The following CCDC18 variants were observed in gnomAD, a reference collection of about 807,000 sequenced individuals.
The protein encoded by CCDC18 is coiled-coil domain containing 18.
In CCDC18, 157 loss-of-function variants were observed where a neutral mutation model predicts 196.0. The observed-to-expected ratio is 0.80, with a 90% CI of 0.70 to 0.91. The LOEUF (loss-of-function observed/expected upper bound fraction) is 0.91, where lower values mean the gene tolerates loss of function less well. CCDC18 is among the 40% of genes least tolerant of loss of function. The pLI is 0.00. For synonymous variants in CCDC18, 482 were observed against 529.2 expected, an observed-to-expected ratio of 0.91 and a Z score of 1.22; for missense variants, 1,465 against 1,611.6, an observed-to-expected ratio of 0.91 and a Z score of 1.56.
chr1:93,180,246 T>A (rs761273815), upstream of CCDC18: 1 of 1,604,564 alleles, frequency 6.2e-7, no homozygotes. Flanking sequence ...CGCCCATCCC[T>A]GCTGGGGCGA....
At chr1:93,199,196 G>A (rs1453328518) in intron 6 of CCDC18, among the ~76,000 whole-genome samples, 4 of 152,210 alleles carry the variant, frequency 2.6e-5, no homozygotes, top group Admixed American at 2.6e-4. Context: ...CTGGCAGGCT[G>A]CGCTTGGCTC....
chr1:93,259,854 C>T (rs1316532451), intron 26 of CCDC18, among the ~76,000 whole-genome samples: 1 of 152,204 alleles, frequency 6.6e-6, no homozygotes, highest in Non-Finnish European at 1.5e-5. Flanking sequence ...CTTAACTACT[C>T]ATTACACTTT....
intron 8 of CCDC18, 118 bp downstream of exon 8, chr1:93,205,749 C>T (rs1249509360): frequency 1.1e-6 from 1 of 906,398 alleles, no homozygotes; most frequent in African/African-American, 1.7e-5. Flanking sequence ...GAAGGATAGG[C>T]TTCATGACTG....
intron 21 of CCDC18, among the ~76,000 whole-genome samples, chr1:93,243,440 A>AT (rs1255363656): frequency 1.4e-4 from 22 of 151,858 alleles, no homozygotes; most frequent in Admixed American, 1.4e-3. Context: ...CCATGAAACC[A>AT]TTTTTTCCTC....
chr1:93,221,539 A>G (rs928884790), intron 14 of CCDC18, 70 bp from the exon 15 acceptor site: 21 of 1,040,256 alleles, frequency 2.0e-5, no homozygotes, highest in East Asian at 6.1e-5. Context: ...ATAGTGTCAC[A>G]TGTATTTAAT....
intron 21 of CCDC18, among the ~76,000 whole-genome samples, chr1:93,241,037 A>G (rs937863673): frequency 6.6e-6 from 1 of 152,032 alleles, no homozygotes; most frequent in Non-Finnish European, 1.5e-5. Context: ...AGCTCACTGC[A>G]GCCTCCACCT....
At chr1:93,243,369 G>A (rs1394416796) in intron 21 of CCDC18, among the ~76,000 whole-genome samples, 1 of 152,192 alleles carries the variant, frequency 6.6e-6, no homozygotes, top group African/African-American at 2.4e-5. Context: ...CAGCTACAGT[G>A]ACTGGGATGC....
At chr1:93,228,272 A>T (rs183811920) in intron 17 of CCDC18, among the ~76,000 whole-genome samples, 2 of 152,084 alleles carry the variant, frequency 1.3e-5, no homozygotes, top group Non-Finnish European at 1.5e-5. Context: ...GGCCAAAGAA[A>T]AAAGGTCTGT....
intron 27 of CCDC18, among the ~76,000 whole-genome samples, chr1:93,265,409 T>G (rs1664364046): frequency 6.6e-6 from 1 of 152,220 alleles, no homozygotes; most frequent in South Asian, 2.1e-4. Context: ...TGAATTAATT[T>G]AATGTATTCA....
intron 16 of CCDC18, 144 bp downstream of exon 16, chr1:93,222,080 C>A: frequency 1.8e-6 from 1 of 558,364 alleles, no homozygotes. Context: ...AGTAATCCTC[C>A]CACATGAGCC....
At chr1:93,237,037 C>T (rs1253580265) in intron 19 of CCDC18, among the ~76,000 whole-genome samples, 1 of 152,158 alleles carries the variant, frequency 6.6e-6, no homozygotes, top group African/African-American at 2.4e-5. Context: ...TAATTTATAA[C>T]ATAATCAGCC....
At position 93,187,270 on chromosome 1, in the gene CCDC18, A is replaced by T. The variant is rs536611596; in HGVS notation, c.462+767A>T. Among the ~76,000 whole-genome samples, 288 of 152,180 alleles carry T rather than the reference A, an allele frequency of 1.9e-3. 1 individual carries two copies. Among genetic ancestry groups the T allele is most frequent in the African/African-American group, 6.7e-3 (279 of 41,568 alleles). ...AGTTGTTTGACTTGTATGGAGCATT[A>T]TAAGGTTTAAATGATATAATATATG... On this transcript the variant is annotated intron_variant, in intron 4 of 28. Coordinates refer to ENST00000690025, the MANE Select transcript of CCDC18 (RefSeq NM_001378204.1).
Position 93,239,814 on chromosome 1 carries a change from G to A in CCDC18, c.2899G>A (p.Glu967Lys). Residue 967 changes from glutamate (E) to lysine (K), a missense_variant, in exon 21 of 29, where the codon GAA (glutamate) becomes AAA (lysine). Transcript: ENST00000690025. ...AAAAAGTACTTTAAGACAACTCCAG[G>A]AATTGAGAGATGTACTACAGAAGGC... ...ELKSTLRQLQ[E>K]LRDVLQKAQL... The A allele has an allele frequency of 6.2e-7, 1 of 1,613,220 alleles. No individual in the cohort carries two copies. Among genetic ancestry groups the A allele is most frequent in the Non-Finnish European group, 8.5e-7 (1 of 1,179,344 alleles).
intron 28 of CCDC18, among the ~76,000 whole-genome samples, chr1:93,275,038 GACC>G (rs1419137761): frequency 6.6e-6 from 1 of 152,072 alleles, no homozygotes; most frequent in Non-Finnish European, 1.5e-5. Flanking sequence ...CTGTGGTAGT[GACC>G]ACCTCATAGT....
At chr1:93,251,811 A>T (rs1044936125) in intron 23 of CCDC18, among the ~76,000 whole-genome samples, 1 of 152,084 alleles carries the variant, frequency 6.6e-6, no homozygotes, top group African/African-American at 2.4e-5. Flanking sequence ...CTGCATACTT[A>T]TATCTTTCCT....
chr1:93,277,834 CCTT>C (rs1665707606), intron 28 of CCDC18, among the ~76,000 whole-genome samples: 2 of 151,886 alleles, frequency 1.3e-5, no homozygotes, highest in South Asian at 4.2e-4. Flanking sequence ...TATTCATCAT[CCTT>C]GTTTATTGTG....
chr1:93,212,309 G>T lies in CCDC18; in HGVS notation c.1495+48G>T. 5 of 1,249,278 alleles carry T rather than the reference G, an allele frequency of 4.0e-6. No individual in the cohort carries two copies. The South Asian group carries it at 5.9e-5, about 15-fold the overall frequency. The allele number at this position is 1,249,278 out of a possible 1,614,324, so 77.4% of individuals were successfully genotyped here. ...ATAAATTATATTCAGAGTTTTGGAT[G>T]ATAGTTTTTTTTTAAAAAAACTTTT... On this transcript the variant is annotated intron_variant, in intron 11 of 28. Coordinates refer to ENST00000690025, the MANE Select transcript of CCDC18 (RefSeq NM_001378204.1).
At chr1:93,239,633 G>A (rs1014033690) in intron 20 of CCDC18, 50 bp from the exon 21 acceptor site, 1 of 1,402,434 alleles carries the variant, frequency 7.1e-7, no homozygotes, top group African/African-American at 1.5e-5. Context: ...TACAAAGTTT[G>A]TAATAAATGG....
chr1:93,196,195 C>T (rs974703536), intron 6 of CCDC18, among the ~76,000 whole-genome samples: 4 of 152,042 alleles, frequency 2.6e-5, no homozygotes, highest in South Asian at 4.1e-4. Flanking sequence ...TGGTGGCACA[C>T]GCCTGGAGTC....
Sources: gnomAD v4.1 joint callset for allele counts (sites outside exome capture counted in the v4.1 genomes callset) on GRCh38, gnomAD v4.1.1 for gene constraint, MANE v1.5 for transcripts, NCBI Gene and HGNC (gene_info 2026-07-23, HGNC 2026-07-21) for gene names.